Variants in TBATA observed in about 807,000 individuals in gnomAD.
TBATA encodes the protein protein TBATA.
In TBATA, 47 loss-of-function variants were observed where a neutral mutation model predicts 38.7. The ratio of observed to expected loss-of-function variants is 1.21; its 90% CI spans 0.96 to 1.55. The LOEUF (loss-of-function observed/expected upper bound fraction) is 1.55. TBATA is among the 40% of genes most tolerant of loss of function. The probability of loss-of-function intolerance (pLI) is 0.00; values close to 1 mark genes in which losing one functional copy is unlikely to be tolerated. For missense variants in TBATA, 436 were observed against 435.6 expected (o/e 1.00, Z -0.01); for synonymous variants, 183 against 170.5 (o/e 1.07, Z -0.57).
rs558260575 is a variant in TBATA, at chr10:70,782,617, C to A, written c.42-581G>T. On this transcript the variant is annotated intron_variant, in intron 3 of 10. Coordinates refer to ENST00000456372, the MANE Select transcript of TBATA (RefSeq NM_001318241.2). ...CCTAGGAGAGGAAGAGCTGACGCAG[C>A]AGCTACTGGGGCTGTGGCGCTGAGG... 3.0e-6 allele frequency: 3 copies of A among 985,458 alleles called. No homozygotes were observed. The African/African-American group carries it at 5.2e-5, about 17-fold the overall frequency. 61.0% of individuals were successfully genotyped at this position (985,458 alleles called of 1,614,324 possible).
At chr10:70,775,023 C>A (rs1054145000) in intron 8 of TBATA, among the ~76,000 whole-genome samples, 166 bp downstream of exon 8, 3 of 152,264 alleles carry the variant, frequency 2.0e-5, no homozygotes, top group Non-Finnish European at 4.4e-5. Context: ...GAGATGCTGT[C>A]CAGCTGGGAA....
intron 3 of TBATA, chr10:70,782,303 T>A: frequency 6.7e-7 from 1 of 1,481,720 alleles, no homozygotes; most frequent in Non-Finnish European, 9.0e-7. Flanking sequence ...GCACCCCAGT[T>A]TTTTCCCAGA....
chr10:70,779,735 GGT>G lies in TBATA; in HGVS notation c.283_284del (p.Thr95ArgfsTer16). The G allele has an allele frequency of 6.5e-7, 1 of 1,536,718 alleles. No individual in the cohort carries two copies. The highest frequency in any genetic ancestry group is 1.3e-5 in the South Asian group (1 of 78,708). On this transcript the variant is annotated frameshift_variant, in exon 5 of 11. Coordinates refer to ENST00000456372, the MANE Select transcript of TBATA (RefSeq NM_001318241.2). LOFTEE classifies it high-confidence loss of function. The part of the protein sequence containing the change: ...PQHVTHIQDL[T>X]GKPVCVVRDF... ...CCCTGACGACACAGACAGGCTTCCC[GGT>G]GAGATCTGCAAAGGGTTAGAGGCTG... is the stretch of plus-strand genomic sequence containing the variant.
At chr10:70,779,235 G>T (rs973677652) in intron 5 of TBATA, among the ~76,000 whole-genome samples, 3 of 152,252 alleles carry the variant, frequency 2.0e-5, no homozygotes, top group African/African-American at 7.2e-5. Context: ...GTGGCTGATT[G>T]TTCTGGTTGG....
In TBATA at chr10:70,777,330, C is replaced by T. The variant is rs4747099; in HGVS notation, c.516G>A (p.Glu172=). 73,108 of 1,612,580 alleles carry T rather than the reference C, an allele frequency of 0.045. 4,355 individuals carry two copies. Among genetic ancestry groups the T allele is most frequent in the Admixed American group, 0.27 (16,214 of 59,954 alleles). ...GCTCCCGCAGAGGCTCCTCCTTCTG[C>T]TCCTTCTGCTGGGACAAAAGTGGCC... ...EDELKKKEQK[E]QKEEPLREQG... Residue 172 remains glutamate (E), a synonymous_variant, in exon 7 of 11, where the codon GAG becomes GAA. Coordinates refer to ENST00000456372, the MANE Select transcript of TBATA (RefSeq NM_001318241.2).
Position 70,777,225 on chromosome 10 carries a change from C to G in TBATA, c.621G>C (p.Gln207His). The stretch of plus-strand genomic sequence containing the variant: ...TGCTGGAAGACTGACTCTGCTGGCC[C>G]TGGTGAGATCTGCGGCGGCCGACAG... ...TRAVGRRRSH[Q>H]GQQSQSSSRH... Residue 207 changes from glutamine to histidine, a missense_variant, in exon 7 of 11, where the codon CAG becomes CAC. Coordinates refer to ENST00000456372, the MANE Select transcript of TBATA (RefSeq NM_001318241.2). 6.2e-7 allele frequency: 1 copy of G among 1,613,664 alleles called. No homozygotes were observed. Among genetic ancestry groups the G allele is most frequent in the South Asian group, 1.1e-5 (1 of 91,082 alleles).
At position 70,771,260 on chromosome 10, in the gene TBATA, T is replaced by C. The variant is rs1410812364; in HGVS notation, c.*116A>G. 6 of 1,603,228 alleles carry C rather than the reference T, an allele frequency of 3.7e-6. No individual in the cohort carries two copies. The African/African-American group carries it at 8.0e-5, about 21-fold the overall frequency. ...CTCTCTCAGGGAAGACGGTTTTATTTAGTAAGAGTTTTCACGGTAGGGAAT... is the reference window on the plus strand; with the variant it reads ...CTCTCTCAGGGAAGACGGTTTTATTCAGTAAGAGTTTTCACGGTAGGGAAT... On this transcript the variant is annotated 3_prime_UTR_variant, in exon 11 of 11. Coordinates refer to ENST00000456372, the MANE Select transcript of TBATA (RefSeq NM_001318241.2).
chr10:70,781,884 C>A lies in TBATA; in HGVS notation c.194G>T (p.Gly65Val). The change falls in exon 4 of 11, where the codon GGC (glycine) becomes GTC (valine). Residue 65 changes from glycine to valine, a missense_variant. By Grantham distance (109) the Gly-to-Val change is moderately radical (BLOSUM62 -3). Transcript: ENST00000456372. ...ALRTPKPQTP[G>V]TYCFGRLSHH... is the part of the protein sequence containing the mutation. ...ACTGAGGCGTCCAAAGCAGTAGGTG[C>A]CAGGGGTTTGGGGCTTTGGGGTCCT... 6 of 1,614,172 alleles carry A rather than the reference C, an allele frequency of 3.7e-6. No individual in the cohort carries two copies. Among genetic ancestry groups the A allele is most frequent in the Non-Finnish European group, 5.1e-6 (6 of 1,180,004 alleles).
At chr10:70,772,802 T>C (rs796276485) in intron 9 of TBATA, among the ~76,000 whole-genome samples, 34 of 152,326 alleles carry the variant, frequency 2.2e-4, no homozygotes, top group African/African-American at 7.2e-4. Context: ...CCCTGCCGTC[T>C]GCAGTTAGTT....
At chr10:70,782,662 T>C in intron 3 of TBATA, 2 of 985,398 alleles carry the variant, frequency 2.0e-6, no homozygotes, top group South Asian at 9.4e-5. Context: ...AGCTCTGTTT[T>C]GCTTTGCTGG....
At chr10:70,777,858 C>A in intron 6 of TBATA, 1 of 447,190 alleles carries the variant, frequency 2.2e-6, no homozygotes, top group Non-Finnish European at 4.5e-6. Context: ...TGGTAGTATC[C>A]TTCCCCCCAT....
chr10:70,777,422 G>C (rs973414707), intron 6 of TBATA, 84 bp from the exon 7 acceptor site: 2 of 1,314,832 alleles, frequency 1.5e-6, no homozygotes, highest in Non-Finnish European at 2.1e-6. Context: ...CAGGAGGCCG[G>C]GTCACAATCC....
chr10:70,776,284 C>T (rs1589385986), intron 7 of TBATA: 1 of 455,152 alleles, frequency 2.2e-6, no homozygotes, highest in East Asian at 7.0e-5. Context: ...CCCACCCTGA[C>T]CTGCCCCTGG....
Position 70,774,205 on chromosome 10 carries a change from G to A in TBATA, c.920+8C>T, listed in dbSNP as rs1373707650. 2 of 1,611,466 alleles carry A rather than the reference G, an allele frequency of 1.2e-6. No individual in the cohort carries two copies. Among genetic ancestry groups the A allele is most frequent in the Non-Finnish European group, 8.5e-7 (1 of 1,179,454 alleles). On this transcript the variant is annotated splice_region_variant and intron_variant, in intron 9 of 10. Coordinates refer to ENST00000456372, the MANE Select transcript of TBATA (RefSeq NM_001318241.2). ...CTGCAGAAGGGCAGGGCGGGGTGCG[G>A]GGCCCACCTGCAGGGTGGCTCTTGC...
chr10:70,782,083 G>A, intron 3 of TBATA, 47 bp from the exon 4 acceptor site: 1 of 1,587,752 alleles, frequency 6.3e-7, no homozygotes, highest in East Asian at 2.2e-5. Context: ...TCCTCTGGCA[G>A]TGGGCCCACC....
rs1401029651 is a variant in TBATA at position 70,777,182 on chromosome 10, C to A, written c.664G>T (p.Ala222Ser). 1.3e-5 allele frequency: 21 copies of A among 1,612,984 alleles called. No homozygotes were observed. Among genetic ancestry groups the A allele is most frequent in the Non-Finnish European group, 1.7e-5 (20 of 1,179,924 alleles). ...QSSSRHEGVQAFLLQDQELLV... is the reference protein window; with the variant it reads ...QSSSRHEGVQSFLLQDQELLV... ...AGCTCCTGATCCTGAAGGAGGAAAG[C>A]CTGGACTCCTTCATGTCTGCTGGAA... Residue 222 changes from alanine to serine, a missense_variant, in exon 7 of 11, where the codon GCT becomes TCT. Coordinates refer to ENST00000456372, the MANE Select transcript of TBATA (RefSeq NM_001318241.2).
Position 70,785,347 on chromosome 10 carries a change from G to A in TBATA, c.-336C>T, listed in dbSNP as rs1319503343. ...CTGCTGTCCTAGCAGGAAGGAGCAA[G>A]AGGACAAATCGAGGGGAAGGCTGTG... On this transcript the variant is annotated 5_prime_UTR_variant, in exon 1 of 11. Coordinates refer to ENST00000456372, the MANE Select transcript of TBATA (RefSeq NM_001318241.2). 6.6e-6 allele frequency: 1 copy of A among 152,490 alleles called. No homozygotes were observed. Among genetic ancestry groups the A allele is most frequent in the African/African-American group, 2.4e-5 (1 of 41,474 alleles). The allele number at this position is 152,490 out of a possible 1,614,324, so 9.4% of individuals were successfully genotyped here. A position where few individuals can be genotyped will look rare whatever the true frequency, so the allele number is the denominator to read the frequency against.
Position 70,779,648 on chromosome 10 carries a change from G to A in TBATA, c.372C>T (p.Thr124=). ...VFSGCQMGIP[T]ISVPIGDPQS... ...GTGGGTCTCCAATGGGGACAGAGAT[G>A]GTGGGTATCCCCATTTGACAGCCGG... Residue 124 remains threonine (T), a synonymous_variant, in exon 5 of 11, where the codon ACC becomes ACT. Coordinates refer to ENST00000456372, the MANE Select transcript of TBATA (RefSeq NM_001318241.2). The A allele has an allele frequency of 1.3e-6, 2 of 1,532,464 alleles. No homozygotes were observed. The highest frequency in any genetic ancestry group is 1.7e-6 in the Non-Finnish European group (2 of 1,149,442). The allele number at this position is 1,532,464 out of a possible 1,614,324, so 94.9% of individuals were successfully genotyped here.
At position 70,785,011 on chromosome 10, in the gene TBATA, C is replaced by T. The variant is rs1277249079; in HGVS notation, c.-273-238G>A. On this transcript the variant is annotated intron_variant, in intron 1 of 10. Coordinates refer to ENST00000456372, the MANE Select transcript of TBATA (RefSeq NM_001318241.2). ...TTAGATATGATCCATTTAAATTGAT[C>T]TAATAAGCCACCAGGGGGTCATAAC... 2.9e-5 allele frequency among the ~76,000 whole-genome samples: 4 copies of T among 136,028 alleles called. No homozygotes were observed. The East Asian group carries it at 6.6e-4, about 22-fold the overall frequency. 89.2% of individuals were successfully genotyped at this position (136,028 alleles called of 152,430 possible).
Sources: gnomAD v4.1 joint callset for allele counts (sites outside exome capture counted in the v4.1 genomes callset) on GRCh38, gnomAD v4.1.1 for gene constraint, MANE v1.5 for transcripts, NCBI Gene and HGNC (gene_info 2026-07-23, HGNC 2026-07-21) for gene names.